The following CSMD1 variants were observed in gnomAD, a reference collection of about 807,000 sequenced individuals.
The protein encoded by CSMD1 is CUB and Sushi multiple domains 1.
CSMD1 carries 213 observed loss-of-function variants against 417.5 expected under a neutral mutation model. The observed-to-expected ratio is 0.51, with a 90% CI of 0.46 to 0.57. CSMD1 has a LOEUF of 0.57. Among genes scored for constraint, CSMD1 ranks in the 20% least tolerant of loss-of-function variants. The pLI is 0.00. For missense variants in CSMD1, 6,923 were observed against 4,529.7 expected, an observed-to-expected ratio of 1.53 and a Z score of -15.17; for synonymous variants, 2,862 against 1,736.8, an observed-to-expected ratio of 1.65 and a Z score of -16.11.
chr8:4,594,743 A>G (rs1458071067), intron 2 of CSMD1, among the ~76,000 whole-genome samples: 1 of 152,178 alleles, frequency 6.6e-6, no homozygotes, highest in Non-Finnish European at 1.5e-5. Context: ...GCCTGTTCAC[A>G]TGGCTATCTT....
chr8:3,548,057 G>A (rs532334582), intron 10 of CSMD1, among the ~76,000 whole-genome samples: 1 of 152,182 alleles, frequency 6.6e-6, no homozygotes, highest in East Asian at 1.9e-4. Flanking sequence ...ATGAAAGTAG[G>A]ACAGTATTTT....
chr8:4,464,439 G>A (rs1563203896), intron 2 of CSMD1, among the ~76,000 whole-genome samples: 2 of 152,114 alleles, frequency 1.3e-5, no homozygotes, highest in East Asian at 1.9e-4. Flanking sequence ...AACACACTCA[G>A]AACACGCACA....
At chr8:4,811,678 G>A (rs981037493) in intron 1 of CSMD1, among the ~76,000 whole-genome samples, 1 of 151,754 alleles carries the variant, frequency 6.6e-6, no homozygotes, top group Non-Finnish European at 1.5e-5. Context: ...ATTTCTATTG[G>A]CTCATTGAGT....
At chr8:4,585,987 A>C (rs996805720) in intron 2 of CSMD1, among the ~76,000 whole-genome samples, 4 of 152,212 alleles carry the variant, frequency 2.6e-5, no homozygotes, top group Admixed American at 2.0e-4. Context: ...AATTAATTCA[A>C]ACTTTTAATG....
chr8:4,758,905 A>G (rs1056233219), intron 1 of CSMD1, among the ~76,000 whole-genome samples: 1 of 152,156 alleles, frequency 6.6e-6, no homozygotes, highest in Non-Finnish European at 1.5e-5. Flanking sequence ...TAACCACATC[A>G]TTCAGTGGTG....
At chr8:3,400,597 A>C (rs550066460) in intron 15 of CSMD1, among the ~76,000 whole-genome samples, 201 of 152,138 alleles carry the variant, frequency 1.3e-3, no homozygotes, top group Admixed American at 2.1e-3. Context: ...GAATGTGGCA[A>C]ATATATTTGA....
chr8:3,507,345 T>C (rs1435111705), intron 10 of CSMD1, among the ~76,000 whole-genome samples: 1 of 152,370 alleles, frequency 6.6e-6, no homozygotes, highest in South Asian at 2.1e-4. Flanking sequence ...CATCATTTTT[T>C]ATGGCAGCAC....
chr8:4,650,180 A>C (rs187524477), intron 1 of CSMD1, among the ~76,000 whole-genome samples: 3 of 151,632 alleles, frequency 2.0e-5, no homozygotes, highest in East Asian at 3.9e-4. Context: ...CCCGTCTCTA[A>C]TAAAAATCCA....
intron 54 of CSMD1, among the ~76,000 whole-genome samples, chr8:2,986,000 G>A (rs1378000169): frequency 2.8e-5 from 4 of 144,336 alleles, no homozygotes; most frequent in East Asian, 2.0e-4. Context: ...AAGGGGAAGC[G>A]GAAGGGGAGA....
intron 10 of CSMD1, among the ~76,000 whole-genome samples, chr8:3,541,237 G>C (rs1798425327): frequency 6.6e-6 from 1 of 152,194 alleles, no homozygotes; most frequent in South Asian, 2.1e-4. Context: ...CAGGAACATG[G>C]ATGAAACTGG....
At chr8:3,931,815 C>T (rs1371814151) in intron 5 of CSMD1, among the ~76,000 whole-genome samples, 1 of 147,738 alleles carries the variant, frequency 6.8e-6, no homozygotes, top group Non-Finnish European at 1.5e-5. Context: ...ATGGGACTTC[C>T]TATTCAAGCA....
At chr8:4,792,337 G>A (rs1797736682) in intron 1 of CSMD1, among the ~76,000 whole-genome samples, 1 of 152,170 alleles carries the variant, frequency 6.6e-6, no homozygotes, top group African/African-American at 2.4e-5. Flanking sequence ...TAGTCCAGTA[G>A]CAAGAAGGAA....
At chr8:4,457,432 A>G (rs1424509485) in intron 2 of CSMD1, among the ~76,000 whole-genome samples, 1 of 152,172 alleles carries the variant, frequency 6.6e-6, no homozygotes, top group Admixed American at 6.5e-5. Flanking sequence ...TGACAGGGAA[A>G]AAACAAACAT....
chr8:4,293,183 C>A (rs553705270), intron 3 of CSMD1, among the ~76,000 whole-genome samples: 4 of 152,014 alleles, frequency 2.6e-5, no homozygotes, highest in Non-Finnish European at 4.4e-5. Flanking sequence ...CTGAACCTCC[C>A]TGGCACAGAG....
intron 3 of CSMD1, among the ~76,000 whole-genome samples, chr8:4,061,466 C>A (rs1363775675): frequency 6.6e-6 from 1 of 152,174 alleles, no homozygotes; most frequent in East Asian, 1.9e-4. Flanking sequence ...GATAAGAAAC[C>A]AAAGAGGTGG....
intron 2 of CSMD1, among the ~76,000 whole-genome samples, chr8:4,537,901 A>T (rs1256009247): frequency 6.6e-6 from 1 of 152,166 alleles, no homozygotes; most frequent in Non-Finnish European, 1.5e-5. Context: ...CTCATTAGTT[A>T]TTCTCTCTTT....
intron 3 of CSMD1, among the ~76,000 whole-genome samples, chr8:4,140,645 G>C (rs1803730568): frequency 6.6e-6 from 1 of 150,818 alleles, no homozygotes; most frequent in Admixed American, 6.6e-5. Flanking sequence ...TCCAGGCTGG[G>C]CAACAGAGCA....
intron 2 of CSMD1, among the ~76,000 whole-genome samples, chr8:4,477,582 G>C (rs1209772715): frequency 1.3e-5 from 2 of 152,148 alleles, no homozygotes; most frequent in South Asian, 2.1e-4. Context: ...AAAATTGCGA[G>C]TTGAGAAGTT....
At chr8:3,509,364 G>C (rs1363029230) in intron 10 of CSMD1, among the ~76,000 whole-genome samples, 3 of 152,122 alleles carry the variant, frequency 2.0e-5, no homozygotes, top group African/African-American at 4.8e-5. Flanking sequence ...AGTCAACTTT[G>C]TCATAAGAAA....
Sources: allele counts gnomAD v4.1 joint callset (sites outside exome capture counted in the v4.1 genomes callset), GRCh38; gene constraint gnomAD v4.1.1; transcripts MANE v1.5; gene names NCBI Gene and HGNC (gene_info 2026-07-23, HGNC 2026-07-21).